The following RAB3IP variants were observed in gnomAD, a reference collection of about 807,000 sequenced individuals.
The protein encoded by RAB3IP is RAB3A interacting protein, also known as rab-3A-interacting protein.
Under a neutral mutation model 59.1 loss-of-function variants are expected in RAB3IP, and 36 were observed. That is an observed-to-expected ratio of 0.61 (90% CI 0.47 to 0.80). The LOEUF (loss-of-function observed/expected upper bound fraction) is 0.80, where lower values mean the gene tolerates loss of function less well. Ranked by LOEUF, RAB3IP falls within the 30% of genes least tolerant of loss-of-function variation. The pLI, the probability that RAB3IP is intolerant of heterozygous loss-of-function variation, is 0.00. For missense variants in RAB3IP, 511 were observed against 536.0 expected (o/e 0.95, Z 0.46); for synonymous variants, 207 against 191.2 (o/e 1.08, Z -0.68).
chr12:69,762,859 G>C (rs1247411895), intron 3 of RAB3IP, among the ~76,000 whole-genome samples: 1 of 151,568 alleles, frequency 6.6e-6, no homozygotes, highest in Non-Finnish European at 1.5e-5. Flanking sequence ...CTTGCAAAGA[G>C]AGTCATTGAA....
intron 4 of RAB3IP, 76 bp downstream of exon 4, chr12:69,784,891 C>A: frequency 2.4e-6 from 2 of 826,124 alleles, no homozygotes; most frequent in East Asian, 2.7e-5. Context: ...TTGAGGGAAT[C>A]TTGAAAAATA....
chr12:69,809,039 G>A (rs1443455533), intron 8 of RAB3IP, among the ~76,000 whole-genome samples: 37 of 145,160 alleles, frequency 2.5e-4, no homozygotes, highest in South Asian at 9.0e-4. Context: ...GGCTGGTACC[G>A]GTTGTTCCTT....
chr12:69,779,319 C>T (rs1182625510), intron 3 of RAB3IP: 1 of 146,942 alleles, frequency 6.8e-6, no homozygotes, highest in East Asian at 2.1e-4. Context: ...CTGTCTGGCA[C>T]TCCCTAGTGA....
chr12:69,810,166 C>T (rs575160577), intron 8 of RAB3IP, among the ~76,000 whole-genome samples: 7 of 152,308 alleles, frequency 4.6e-5, no homozygotes, highest in South Asian at 2.1e-4. Context: ...AGGTCCACTC[C>T]GGACCCTGTT....
intron 3 of RAB3IP, among the ~76,000 whole-genome samples, chr12:69,783,301 C>T (rs1434580444): frequency 1.3e-5 from 2 of 152,170 alleles, no homozygotes; most frequent in Non-Finnish European, 2.9e-5. Context: ...TTTTCCAGCG[C>T]ACTGTTTCTG....
intron 4 of RAB3IP, among the ~76,000 whole-genome samples, chr12:69,789,946 A>G (rs1276910887): frequency 6.6e-6 from 1 of 152,210 alleles, no homozygotes; most frequent in East Asian, 1.9e-4. Context: ...AATAAAGACC[A>G]TATATGGAAA....
rs1253872993 is a variant in RAB3IP at position 69,803,654 on chromosome 12, A to C, written c.1130+1933A>C. On this transcript the variant is annotated intron_variant, in intron 8 of 10. Transcript: ENST00000247833. ...TAATGCTATCCCTCCCCACTCCCCC[A>C]ACCCCACAACAGTCCCCGGTGTGTG... is the stretch of plus-strand genomic sequence containing the variant. Among the ~76,000 whole-genome samples, 16 of 150,970 alleles carry C rather than the reference A, an allele frequency of 1.1e-4. No homozygotes were observed. In the East Asian group the frequency reaches 2.9e-3, roughly 28 times the overall value.
At chr12:69,773,399 CTTT>C (rs71437123) in intron 3 of RAB3IP, among the ~76,000 whole-genome samples, 6,409 of 47,972 alleles carry the variant, frequency 0.13, 90 homozygotes, top group South Asian at 0.25. Flanking sequence ...ATTTGTCTTT[CTTT>C]TTTTTTTTTT....
chr12:69,749,317 C>T (rs554538545), intron 1 of RAB3IP, among the ~76,000 whole-genome samples: 24 of 152,334 alleles, frequency 1.6e-4, no homozygotes, highest in African/African-American at 5.1e-4. Context: ...GCCTGATGAT[C>T]TGAGGTGGAA....
chr12:69,789,326 G>A (rs1291722679), intron 4 of RAB3IP, among the ~76,000 whole-genome samples: 1 of 151,916 alleles, frequency 6.6e-6, no homozygotes, highest in Non-Finnish European at 1.5e-5. Flanking sequence ...GGATGCTTCA[G>A]AAATAAAAAA....
intron 8 of RAB3IP, among the ~76,000 whole-genome samples, chr12:69,810,365 A>G (rs959469902): frequency 6.6e-6 from 1 of 152,196 alleles, no homozygotes; most frequent in Admixed American, 6.5e-5. Flanking sequence ...TTGAGGAGGC[A>G]GTCTGCCTGT....
intron 1 of RAB3IP, chr12:69,739,691 CG>C (rs3215054): frequency 0.25 from 176,071 of 713,028 alleles, 23,350 homozygotes; most frequent in Middle Eastern, 0.32. Flanking sequence ...GACTTGTGTT[CG>C]GGGGAGTTGA....
At chr12:69,800,137 T>G in intron 6 of RAB3IP, 72 bp from the exon 7 acceptor site, 1 of 1,218,718 alleles carries the variant, frequency 8.2e-7, no homozygotes, top group Non-Finnish European at 1.1e-6. Flanking sequence ...TAAATTAGTT[T>G]TGGTTTTGTA....
At chr12:69,763,873 C>A (rs573652399) in intron 3 of RAB3IP, among the ~76,000 whole-genome samples, 5 of 152,238 alleles carry the variant, frequency 3.3e-5, no homozygotes, top group African/African-American at 1.2e-4. Flanking sequence ...GTGTTCTGTT[C>A]CTATGTTAAT....
chr12:69,754,947 A>G (rs1050370225), intron 1 of RAB3IP, among the ~76,000 whole-genome samples: 1 of 152,186 alleles, frequency 6.6e-6, no homozygotes, highest in Admixed American at 6.5e-5. Context: ...CATTCCTCAT[A>G]CTAATTGATT....
chr12:69,813,071 AGTTC>A, intron 10 of RAB3IP, 38 bp downstream of exon 10: 1 of 1,475,716 alleles, frequency 6.8e-7, no homozygotes, highest in Admixed American at 1.9e-5. Context: ...TTTACATAAA[AGTTC>A]AGCAAAAAGT....
chr12:69,763,641 G>T (rs1871728714), intron 3 of RAB3IP, among the ~76,000 whole-genome samples: 2 of 151,832 alleles, frequency 1.3e-5, no homozygotes, highest in South Asian at 4.2e-4. Context: ...AAATTTAGGG[G>T]GTATATGTGC....
In RAB3IP at chr12:69,800,288, A is replaced by G. The variant is rs1218072492; in HGVS notation, c.968A>G (p.Lys323Arg). 4 of 1,597,624 alleles carry G rather than the reference A, an allele frequency of 2.5e-6. No homozygotes were observed. Among genetic ancestry groups the G allele is most frequent in the African/African-American group, 2.7e-5 (2 of 74,248 alleles). The change falls in exon 7 of 11, where the codon AAA (lysine) becomes AGA (arginine). Residue 323 changes from lysine (K) to arginine (R), a missense_variant. Lys to Arg is a conservative substitution (Grantham distance 26, BLOSUM62 2). Coordinates refer to ENST00000247833, the MANE Select transcript of RAB3IP (RefSeq NM_022456.5). ...GACAGGACGTGTCCTTTCTTAGACA[A>G]AATCTACCAGGAAGATATCTTTCCA... is the stretch of plus-strand genomic sequence containing the variant. ...TMDRTCPFLDKIYQEDIFPCL... is the reference protein window; with the variant it reads ...TMDRTCPFLDRIYQEDIFPCL...
intron 6 of RAB3IP, 100 bp from the exon 7 acceptor site, chr12:69,800,109 C>G: frequency 1.1e-6 from 1 of 896,600 alleles, no homozygotes. Context: ...AAATGAAGAG[C>G]TTTTTTTCAG....
Sources: allele counts gnomAD v4.1 joint callset (sites outside exome capture counted in the v4.1 genomes callset), GRCh38; gene constraint gnomAD v4.1.1; transcripts MANE v1.5; gene names NCBI Gene and HGNC (gene_info 2026-07-23, HGNC 2026-07-21).